Variants in CFAP20DC observed in about 807,000 individuals in gnomAD.
CFAP20DC encodes the protein protein CFAP20DC.
CFAP20DC carries 84 observed loss-of-function variants against 101.7 expected under a neutral mutation model. That is an observed-to-expected ratio of 0.83 (90% CI 0.69 to 0.99). The LOEUF (loss-of-function observed/expected upper bound fraction) is 0.99, where lower values mean the gene tolerates loss of function less well. Among genes scored for constraint, CFAP20DC ranks in the 50% least tolerant of loss-of-function variants. The pLI, the probability that CFAP20DC is intolerant of heterozygous loss-of-function variation, is 0.00. For missense variants in CFAP20DC, 1,007 were observed against 970.3 expected, an observed-to-expected ratio of 1.04 and a Z score of -0.50; for synonymous variants, 359 against 351.2, an observed-to-expected ratio of 1.02 and a Z score of -0.25.
intron 14 of CFAP20DC, among the ~76,000 whole-genome samples, chr3:58,822,970 G>A (rs1013359509): frequency 2.6e-4 from 40 of 152,252 alleles, no homozygotes; most frequent in African/African-American, 8.9e-4. Context: ...CAGGGACACA[G>A]AGAAGAATCT....
At chr3:58,919,670 C>T (rs1180376753) in intron 5 of CFAP20DC, among the ~76,000 whole-genome samples, 2 of 152,134 alleles carry the variant, frequency 1.3e-5, no homozygotes, top group African/African-American at 2.4e-5. Context: ...AGGTCTTCTT[C>T]GATTTCTCTC....
At chr3:58,873,556 C>T (rs1475447326) in intron 7 of CFAP20DC, among the ~76,000 whole-genome samples, 37 of 146,002 alleles carry the variant, frequency 2.5e-4, no homozygotes, top group Admixed American at 1.9e-3. Context: ...AAGGCGGGTG[C>T]TCAAGCAGAA....
At chr3:58,802,086 G>C (rs903166134) in intron 15 of CFAP20DC, among the ~76,000 whole-genome samples, 2 of 152,130 alleles carry the variant, frequency 1.3e-5, no homozygotes, top group African/African-American at 4.8e-5. Context: ...CGAAAGACTG[G>C]TTATTGACTC....
chr3:58,752,743 G>A (rs549165493), intron 16 of CFAP20DC, among the ~76,000 whole-genome samples: 10 of 152,044 alleles, frequency 6.6e-5, no homozygotes, highest in East Asian at 3.9e-4. Flanking sequence ...TCCCTTGGGC[G>A]GCCAAAACGT....
intron 3 of CFAP20DC, among the ~76,000 whole-genome samples, chr3:59,044,219 G>A (rs765948770): frequency 5.9e-5 from 9 of 151,938 alleles, no homozygotes; most frequent in Non-Finnish European, 1.2e-4. Context: ...AATACATAAC[G>A]GTAATTGAAT....
intron 15 of CFAP20DC, among the ~76,000 whole-genome samples, chr3:58,801,023 TGGGGTGGGGTG>T (rs1338613177): frequency 2.4e-4 from 1 of 4,120 alleles, no homozygotes; most frequent in Non-Finnish European, 4.2e-4. Flanking sequence ...AACACTGGGG[TGGGGTGGGGTG>T]GGGGTGGGGA....
At chr3:58,973,350 TA>T (rs2092066213) in intron 4 of CFAP20DC, among the ~76,000 whole-genome samples, 1 of 152,238 alleles carries the variant, frequency 6.6e-6, no homozygotes, top group Non-Finnish European at 1.5e-5. Context: ...ATTTCTGTGC[TA>T]AAAGTTTATC....
chr3:58,838,154 C>T (rs1249171656), intron 13 of CFAP20DC, among the ~76,000 whole-genome samples: 4 of 152,110 alleles, frequency 2.6e-5, no homozygotes, highest in African/African-American at 9.7e-5. Context: ...GCTTTTAGCA[C>T]GTGTCTCTAC....
At chr3:58,725,503 C>T (rs543024571) in intron 3 of CFAP20DC, among the ~76,000 whole-genome samples, 9 of 152,286 alleles carry the variant, frequency 5.9e-5, no homozygotes, top group Non-Finnish European at 1.0e-4. Flanking sequence ...ACCAACACGA[C>T]GGGTGGTTCA....
Position 58,817,472 on chromosome 3 carries a change from C to A in CFAP20DC, c.2176-11016G>T, listed in dbSNP as rs1232556920. ...GAGCTGATGGAGCTGAAAACCAAGG[C>A]TCGAGAACTACGTGAAGAATGCAGA... On this transcript the variant is annotated intron_variant, in intron 14 of 16. Transcript: ENST00000482387. Among the ~76,000 whole-genome samples the A allele has an allele frequency of 4.0e-3, 584 of 147,434 alleles. 3 individuals carry two copies. Among genetic ancestry groups the A allele is most frequent in the African/African-American group, 0.014 (560 of 39,796 alleles).
At chr3:58,784,524 G>A (rs762497223) in intron 15 of CFAP20DC, among the ~76,000 whole-genome samples, 14 of 152,138 alleles carry the variant, frequency 9.2e-5, no homozygotes, top group South Asian at 4.2e-4. Context: ...TAAAATAAAA[G>A]CCATAGGTAG....
Position 59,007,052 on chromosome 3 carries a change from G to C in CFAP20DC, c.278+32505C>G, listed in dbSNP as rs1452175976. On this transcript the variant is annotated intron_variant, in intron 4 of 16. Coordinates refer to ENST00000482387, the MANE Select transcript of CFAP20DC (RefSeq NM_001394063.1). The surrounding 1 kb of genome is among the most constrained non-coding windows in gnomAD (Gnocchi z 4.4). ...TTGCCAACTGTGTGGAGCTGGGTGA[G>C]GCCTTTTGCTACTGGATGTCACCCA... Among the ~76,000 whole-genome samples the C allele has an allele frequency of 6.6e-6, 1 of 151,636 alleles. No homozygotes were observed. Among genetic ancestry groups the C allele is most frequent in the Non-Finnish European group, 1.5e-5 (1 of 67,866 alleles).
chr3:58,740,082 C>CTGCATGGTTGGGAG (rs1165985554), downstream of CFAP20DC, among the ~76,000 whole-genome samples: 1 of 152,150 alleles, frequency 6.6e-6, no homozygotes, highest in Non-Finnish European at 1.5e-5. The surrounding 1 kb of genome is among the most constrained non-coding windows in gnomAD (Gnocchi z 4.6). Flanking sequence ...GTTAACATTT[C>CTGCATGGTTGGGAG]TGCATGGTTG....
chr3:58,968,871 A>C (rs908228584), intron 4 of CFAP20DC, among the ~76,000 whole-genome samples: 1 of 151,810 alleles, frequency 6.6e-6, no homozygotes, highest in Admixed American at 6.6e-5. Context: ...ATCCATTTTG[A>C]GTTGGTTTCT....
intron 12 of CFAP20DC, among the ~76,000 whole-genome samples, chr3:58,851,865 T>G (rs1442069474): frequency 6.6e-6 from 1 of 152,164 alleles, no homozygotes; most frequent in East Asian, 1.9e-4. Context: ...CTTGCAAATT[T>G]GAACTTTTTG....
At chr3:58,903,018 T>G (rs1394599807) in intron 6 of CFAP20DC, among the ~76,000 whole-genome samples, 1 of 152,104 alleles carries the variant, frequency 6.6e-6, no homozygotes, top group African/African-American at 2.4e-5. Flanking sequence ...CTAGAATGTT[T>G]TCTCTCTATA....
At chr3:58,961,005 G>A (rs1197850737) in intron 4 of CFAP20DC, among the ~76,000 whole-genome samples, 1 of 152,074 alleles carries the variant, frequency 6.6e-6, no homozygotes, top group Non-Finnish European at 1.5e-5. Context: ...GTGATTATGT[G>A]TTTCTTGTTC....
At chr3:58,974,197 T>C (rs1241542617) in intron 4 of CFAP20DC, among the ~76,000 whole-genome samples, 1 of 152,112 alleles carries the variant, frequency 6.6e-6, no homozygotes, top group Non-Finnish European at 1.5e-5. Flanking sequence ...AATGATCTTG[T>C]CACCTAGGTA....
intron 5 of CFAP20DC, among the ~76,000 whole-genome samples, chr3:58,930,138 T>C (rs1452190624): frequency 6.6e-6 from 1 of 152,218 alleles, no homozygotes; most frequent in African/African-American, 2.4e-5. Flanking sequence ...TCTCACAGAA[T>C]GTACCACATT....
Sources: gnomAD v4.1 joint callset for allele counts (sites outside exome capture counted in the v4.1 genomes callset) on GRCh38, gnomAD v4.1.1 for gene constraint, Gnocchi (gnomAD v3.1) non-coding constraint, MANE v1.5 for transcripts, NCBI Gene and HGNC (gene_info 2026-07-23, HGNC 2026-07-21) for gene names.